The following ANKRD30B variants were observed in gnomAD, a reference collection of about 807,000 sequenced individuals.
ANKRD30B encodes ankyrin repeat domain 30B.
Under a neutral mutation model 202.2 loss-of-function variants are expected in ANKRD30B, and 144 were observed. That is an observed-to-expected ratio of 0.71 (90% confidence interval 0.62 to 0.82). The LOEUF (loss-of-function observed/expected upper bound fraction) is 0.82. ANKRD30B is among the 40% of genes least tolerant of loss of function. The probability of loss-of-function intolerance (pLI) is 0.00; values close to 1 mark genes in which losing one functional copy is unlikely to be tolerated. For missense variants in ANKRD30B, 1,487 were observed against 1,669.1 expected, an observed-to-expected ratio of 0.89 and a Z score of 1.90; for synonymous variants, 508 against 561.3, an observed-to-expected ratio of 0.91 and a Z score of 1.34.
At chr18:14,912,939 T>C in the ANKRD30B span, among the ~76,000 whole-genome samples, 2 of 152,200 alleles carry the variant, frequency 1.3e-5, no homozygotes, top group Non-Finnish European at 1.5e-5. Flanking sequence ...TGTGTACTGG[T>C]TTGTTTTTAT....
At chr18:14,919,025 TC>T in the ANKRD30B span, among the ~76,000 whole-genome samples, 3 of 152,226 alleles carry the variant, frequency 2.0e-5, no homozygotes, top group Non-Finnish European at 4.4e-5. Flanking sequence ...ATCTTGGACT[TC>T]CCAGCCTCCA....
At chr18:14,844,502 G>A (rs1971550287) in intron 39 of ANKRD30B, among the ~76,000 whole-genome samples, 1 of 152,216 alleles carries the variant, frequency 6.6e-6, no homozygotes, top group East Asian at 1.9e-4. Flanking sequence ...ATTTGGGTTG[G>A]TTCCAAGCCT....
intron 30 of ANKRD30B, among the ~76,000 whole-genome samples, chr18:14,817,734 A>G (rs1395062291): frequency 6.6e-6 from 1 of 152,190 alleles, no homozygotes; most frequent in Non-Finnish European, 1.5e-5. Flanking sequence ...TAATGGTATC[A>G]TTATATATGA....
At chr18:14,819,841 C>T (rs1164225258) in intron 30 of ANKRD30B, among the ~76,000 whole-genome samples, 1 of 152,004 alleles carries the variant, frequency 6.6e-6, no homozygotes, top group East Asian at 1.9e-4. Context: ...GACTTGGCGA[C>T]ACGGGCTCAT....
chr18:14,831,530 G>A, intron 34 of ANKRD30B, 75 bp downstream of exon 34: 1 of 706,280 alleles, frequency 1.4e-6, no homozygotes, highest in Non-Finnish European at 2.3e-6. Context: ...TTCATGTTTA[G>A]CAGTGGTGTA....
At chr18:14,903,993 AG>A in the ANKRD30B span, among the ~76,000 whole-genome samples, 1 of 152,204 alleles carries the variant, frequency 6.6e-6, no homozygotes, top group Non-Finnish European at 1.5e-5. Context: ...ATTATAAAGA[AG>A]GGCTGTCCAA....
chr18:14,782,449 A>C, intron 11 of ANKRD30B, 78 bp from the exon 12 acceptor site: 2 of 1,133,522 alleles, frequency 1.8e-6, no homozygotes, highest in South Asian at 3.1e-5. Context: ...ATTGAGTTTA[A>C]AAAATATTTT....
intron 39 of ANKRD30B, among the ~76,000 whole-genome samples, chr18:14,843,553 C>CTG (rs56044501): frequency 0.031 from 4,503 of 145,290 alleles, 105 homozygotes; most frequent in African/African-American, 0.055. Context: ...AGCTTACTTT[C>CTG]TGTGTGTGTG....
downstream of ANKRD30B, among the ~76,000 whole-genome samples, chr18:14,855,260 A>G (rs560880815): frequency 2.6e-4 from 39 of 152,302 alleles, no homozygotes; most frequent in African/African-American, 9.1e-4. Context: ...AGGCAGAAGA[A>G]TTTCTCTTAG....
the ANKRD30B span, among the ~76,000 whole-genome samples, chr18:14,935,679 TGTGCATGTGG>T: frequency 6.6e-6 from 1 of 152,248 alleles, no homozygotes; most frequent in East Asian, 1.9e-4. Context: ...TGCATACGTG[TGTGCATGTGG>T]GTATATGTGT....
chr18:14,755,119 T>C (rs1914128353), intron 4 of ANKRD30B, 114 bp downstream of exon 4: 1 of 596,758 alleles, frequency 1.7e-6, no homozygotes, highest in African/African-American at 1.9e-5. Flanking sequence ...TAGATTATAG[T>C]GAAACATATC....
the ANKRD30B span, among the ~76,000 whole-genome samples, chr18:14,922,667 A>AC: frequency 2.0e-5 from 3 of 151,382 alleles, no homozygotes; most frequent in Admixed American, 2.0e-4. Context: ...AAAAAAAAAA[A>AC]AAAAGAAAAG....
the ANKRD30B span, chr18:14,915,652 A>G: frequency 6.6e-6 from 1 of 151,862 alleles, no homozygotes; most frequent in Non-Finnish European, 1.5e-5. Flanking sequence ...TTGAGACTCA[A>G]GGGTCAAGTC....
chr18:14,836,137 C>T (rs1186465171), intron 34 of ANKRD30B, among the ~76,000 whole-genome samples: 2 of 152,042 alleles, frequency 1.3e-5, no homozygotes, highest in Non-Finnish European at 2.9e-5. Context: ...TATTTATTTT[C>T]TAATCACTAT....
chr18:14,915,924 T>C, the ANKRD30B span, among the ~76,000 whole-genome samples: 31 of 152,278 alleles, frequency 2.0e-4, no homozygotes, highest in Admixed American at 1.4e-3. Flanking sequence ...AGCATTTGTG[T>C]TGTATTAGGT....
At chr18:14,879,537 G>A in the ANKRD30B span, among the ~76,000 whole-genome samples, 4 of 152,098 alleles carry the variant, frequency 2.6e-5, no homozygotes, top group African/African-American at 7.2e-5. Flanking sequence ...ATGTAGTAAC[G>A]AACCTAGGGT....
At chr18:14,782,041 A>G (rs1485584311) in intron 11 of ANKRD30B, among the ~76,000 whole-genome samples, 1 of 152,232 alleles carries the variant, frequency 6.6e-6, no homozygotes, top group East Asian at 1.9e-4. Flanking sequence ...GCCTTCAACC[A>G]TATCCATTAC....
the ANKRD30B span, among the ~76,000 whole-genome samples, chr18:14,922,894 G>T: frequency 6.6e-6 from 1 of 152,110 alleles, no homozygotes. Flanking sequence ...AGAGGAAAGA[G>T]GAAAGAAGAC....
chr18:14,874,966 C>T, the ANKRD30B span, among the ~76,000 whole-genome samples: 1 of 152,190 alleles, frequency 6.6e-6, no homozygotes, highest in South Asian at 2.1e-4. Flanking sequence ...TGGGAAGACT[C>T]ATACAGGTCC....
Sources: gnomAD v4.1 joint callset for allele counts (sites outside exome capture counted in the v4.1 genomes callset) on GRCh38, gnomAD v4.1.1 for gene constraint, MANE v1.5 for transcripts, NCBI Gene and HGNC (gene_info 2026-07-23, HGNC 2026-07-21) for gene names.